NELL1: variants seen among roughly 807,000 people sequenced by gnomAD.
NELL1 encodes the protein protein kinase C-binding protein NELL1.
In NELL1, 76 loss-of-function variants were observed where a neutral mutation model predicts 107.4. The ratio of observed to expected loss-of-function variants is 0.71; its 90% CI spans 0.59 to 0.86. The LOEUF (loss-of-function observed/expected upper bound fraction) is 0.86. NELL1 is among the 40% of genes least tolerant of loss of function. The pLI is 0.00. For missense variants in NELL1, 1,024 were observed against 1,005.5 expected (o/e 1.02, Z -0.25); for synonymous variants, 353 against 341.2 (o/e 1.03, Z -0.38).
chr11:20,913,990 G>C (rs1325975276), intron 5 of NELL1, among the ~76,000 whole-genome samples: 1 of 152,040 alleles, frequency 6.6e-6, no homozygotes, highest in Non-Finnish European at 1.5e-5. Flanking sequence ...AGGCAATCAA[G>C]ATAAAATCTC....
At chr11:20,903,166 ATG>A (rs556574846) in intron 5 of NELL1, among the ~76,000 whole-genome samples, 5 of 151,998 alleles carry the variant, frequency 3.3e-5, no homozygotes, top group Non-Finnish European at 7.4e-5. Flanking sequence ...ATATGTATAT[ATG>A]TGTGTGTGTA....
intron 12 of NELL1, among the ~76,000 whole-genome samples, chr11:21,100,382 A>G (rs1365726704): frequency 6.6e-6 from 1 of 152,178 alleles, no homozygotes; most frequent in Non-Finnish European, 1.5e-5. Flanking sequence ...GTTGTGCAAC[A>G]ATCATCGCTA....
chr11:21,131,895 G>C (rs1855627133), intron 13 of NELL1, among the ~76,000 whole-genome samples: 1 of 152,116 alleles, frequency 6.6e-6, no homozygotes, highest in Admixed American at 6.5e-5. Context: ...TTGTGACTTG[G>C]AATTGTCACA....
At chr11:21,351,053 T>C (rs1239538679) in intron 14 of NELL1, among the ~76,000 whole-genome samples, 4 of 151,970 alleles carry the variant, frequency 2.6e-5, no homozygotes, top group Non-Finnish European at 5.9e-5. Flanking sequence ...ATATCAGTAA[T>C]AAGGAAAATG....
intron 4 of NELL1, among the ~76,000 whole-genome samples, chr11:20,882,694 A>G (rs555023030): frequency 6.6e-6 from 1 of 152,344 alleles, no homozygotes; most frequent in East Asian, 1.9e-4. Context: ...AAATCAGGAA[A>G]TTGAGTATCA....
At chr11:20,740,444 A>G (rs1211591454) in intron 2 of NELL1, among the ~76,000 whole-genome samples, 1 of 152,140 alleles carries the variant, frequency 6.6e-6, no homozygotes, top group African/African-American at 2.4e-5. Flanking sequence ...CCTTTGGGGC[A>G]TTTTCCAAAC....
rs552027059 is a variant in NELL1, at chr11:21,514,495, C to T, written c.1646-19879C>T. Among the ~76,000 whole-genome samples the T allele has an allele frequency of 3.9e-4, 59 of 152,300 alleles. No homozygotes were observed. In the South Asian group the frequency reaches 5.6e-3, roughly 14 times the overall value. ...ACTGCTCTGCAGCGGAGAGTCCATGCGCCACCTAAAGGCAGCACCTGCTCC... is the reference window on the plus strand; with the variant it reads ...ACTGCTCTGCAGCGGAGAGTCCATGTGCCACCTAAAGGCAGCACCTGCTCC... On this transcript the variant is annotated intron_variant, in intron 15 of 19. Coordinates refer to ENST00000357134, the MANE Select transcript of NELL1 (RefSeq NM_006157.5).
intron 2 of NELL1, among the ~76,000 whole-genome samples, chr11:20,723,432 G>A (rs1029880805): frequency 3.9e-5 from 6 of 152,174 alleles, no homozygotes; most frequent in African/African-American, 1.4e-4. Context: ...CCTCCTCCAA[G>A]TCCAGAATCC....
At chr11:21,260,510 T>C (rs1053688149) in intron 14 of NELL1, 7 of 151,886 alleles carry the variant, frequency 4.6e-5, no homozygotes, top group Non-Finnish European at 1.0e-4. Context: ...GCAAAAGCCA[T>C]ATGGAACATT....
chr11:21,548,029 A>T (rs1366542505), intron 16 of NELL1, among the ~76,000 whole-genome samples: 1 of 151,924 alleles, frequency 6.6e-6, no homozygotes, highest in Non-Finnish European at 1.5e-5. Flanking sequence ...TTCCTGCTAA[A>T]AAAAAATCCT....
At chr11:21,567,654 C>T (rs1429185933) in intron 17 of NELL1, among the ~76,000 whole-genome samples, 4 of 151,746 alleles carry the variant, frequency 2.6e-5, no homozygotes, top group Non-Finnish European at 4.4e-5. Context: ...TTAAGGTTTC[C>T]ACTTTAGCTG....
At chr11:20,864,910 GTCC>G (rs1482279000) in intron 4 of NELL1, among the ~76,000 whole-genome samples, 2 of 152,236 alleles carry the variant, frequency 1.3e-5, no homozygotes, top group South Asian at 4.1e-4. Flanking sequence ...GCTCCTGCCA[GTCC>G]TCCTGTACAA....
At chr11:20,804,719 G>T (rs946422591) in intron 3 of NELL1, among the ~76,000 whole-genome samples, 2 of 152,110 alleles carry the variant, frequency 1.3e-5, no homozygotes, top group Non-Finnish European at 2.9e-5. Context: ...CTACCCTTAA[G>T]AATTATCCAT....
intron 4 of NELL1, among the ~76,000 whole-genome samples, chr11:20,870,058 T>G (rs1849167801): frequency 6.6e-6 from 1 of 152,196 alleles, no homozygotes; most frequent in African/African-American, 2.4e-5. Context: ...CACTTATGCC[T>G]GTTTATGTTT....
chr11:20,957,869 CAG>C (rs1342620664), intron 11 of NELL1, among the ~76,000 whole-genome samples: 1 of 151,860 alleles, frequency 6.6e-6, no homozygotes, highest in Non-Finnish European at 1.5e-5. Context: ...GGAAAAGAAA[CAG>C]AAGATATGAA....
intron 12 of NELL1, among the ~76,000 whole-genome samples, chr11:21,059,249 G>A (rs1169580114): frequency 7.4e-6 from 1 of 134,770 alleles, no homozygotes; most frequent in Middle Eastern, 3.5e-3. Context: ...TGAGGGCACA[G>A]AACAAGTTTT....
At chr11:21,453,076 C>T (rs892619537) in intron 15 of NELL1, among the ~76,000 whole-genome samples, 39 of 151,952 alleles carry the variant, frequency 2.6e-4, no homozygotes, top group African/African-American at 9.4e-4. Flanking sequence ...TTTACATGCA[C>T]CTCAAGAAAA....
rs145874487 is a variant in NELL1 at position 21,566,694 on chromosome 11, AGGATTACTTATCATCAG to A, written c.1981-4069_1981-4053del. Among the ~76,000 whole-genome samples the A allele has an allele frequency of 5.8e-3, 879 of 152,002 alleles. 8 individuals carry two copies. The highest frequency in any genetic ancestry group is 0.02 in the African/African-American group (844 of 41,532). Reference sequence around the variant, plus strand: ...AACAGCCTCAAAGATCTCTGATAAAAGGATTACTTATCATCAGTGAGCTCCATACTCTCCCCAAATTT... The same window carrying A: ...AACAGCCTCAAAGATCTCTGATAAAATGAGCTCCATACTCTCCCCAAATTT... On this transcript the variant is annotated intron_variant, in intron 17 of 19. Transcript: ENST00000357134.
intron 2 of NELL1, among the ~76,000 whole-genome samples, chr11:20,743,647 T>C (rs1343333725): frequency 6.6e-6 from 1 of 152,166 alleles, no homozygotes; most frequent in African/African-American, 2.4e-5. Context: ...AGACCCTTAT[T>C]TCCCTGTAAC....
Sources: allele counts gnomAD v4.1 joint callset (sites outside exome capture counted in the v4.1 genomes callset), GRCh38; gene constraint gnomAD v4.1.1; transcripts MANE v1.5; gene names NCBI Gene and HGNC (gene_info 2026-07-23, HGNC 2026-07-21).